The following KANK1 variants were observed in gnomAD, a reference collection of about 807,000 sequenced individuals.
KANK1 encodes the protein KN motif and ankyrin repeat domains 1.
Under a neutral mutation model 106.2 loss-of-function variants are expected in KANK1, and 109 were observed. The observed-to-expected ratio is 1.03, with a 90% CI of 0.88 to 1.20. The LOEUF is 1.20. Among genes scored for constraint, KANK1 ranks in the 50% most tolerant of loss-of-function variants. The probability of loss-of-function intolerance (pLI) is 0.00; values close to 1 mark genes in which losing one functional copy is unlikely to be tolerated. For synonymous variants in KANK1, 873 were observed against 652.2 expected, an observed-to-expected ratio of 1.34 and a Z score of -5.16; for missense variants, 2,399 against 1,710.7, an observed-to-expected ratio of 1.40 and a Z score of -7.10.
chr9:710,798 T>C lies in KANK1; in HGVS notation c.38-6T>C, dbSNP rs753339301. 3.2e-6 allele frequency: 5 copies of C among 1,567,996 alleles called. No homozygotes were observed. Among genetic ancestry groups the C allele is most frequent in the African/African-American group, 1.4e-5 (1 of 72,630 alleles). The stretch of plus-strand genomic sequence containing the variant: ...TCATTATAATATTCTTTTCTCCCTC[T>C]TCTAGGAAAAGCAGGTGATATTCTC... On this transcript the variant is annotated splice_region_variant and splice_polypyrimidine_tract_variant and intron_variant, in intron 2 of 11. Coordinates refer to ENST00000382297, the MANE Select transcript of KANK1 (RefSeq NM_015158.5).
At chr9:645,875 A>G (rs1192758174) in intron 1 of KANK1, among the ~76,000 whole-genome samples, 2 of 151,000 alleles carry the variant, frequency 1.3e-5, no homozygotes, top group African/African-American at 5.0e-5. Context: ...ATAGACACAC[A>G]TTGGTCTATA....
At chr9:529,077 G>A (rs1177689887) in intron 1 of KANK1, among the ~76,000 whole-genome samples, 2 of 152,122 alleles carry the variant, frequency 1.3e-5, no homozygotes, top group Non-Finnish European at 2.9e-5. Context: ...GGGGTTACAG[G>A]TGTGAGCCAC....
intron 3 of KANK1, among the ~76,000 whole-genome samples, chr9:490,957 G>A (rs2058368527): frequency 7.8e-6 from 1 of 127,698 alleles, no homozygotes; most frequent in Non-Finnish European, 1.5e-5. Context: ...GGCTAAAGTG[G>A]CTTTTTTTTT....
At chr9:691,611 A>ATTTT (rs767618077) in intron 2 of KANK1, among the ~76,000 whole-genome samples, 2 of 71,082 alleles carry the variant, frequency 2.8e-5, no homozygotes, top group African/African-American at 4.6e-5. Flanking sequence ...TAATACCAGA[A>ATTTT]TTTTTTTTTT....
chr9:579,547 G>A (rs536044057), intron 1 of KANK1, among the ~76,000 whole-genome samples: 9 of 152,150 alleles, frequency 5.9e-5, no homozygotes, highest in African/African-American at 9.6e-5. Flanking sequence ...TCTGGAGCCC[G>A]CCTGTCAGCT....
chr9:548,373 T>TG (rs887386562), intron 1 of KANK1, among the ~76,000 whole-genome samples: 4 of 152,152 alleles, frequency 2.6e-5, no homozygotes, highest in Non-Finnish European at 5.9e-5. Flanking sequence ...GTGAGATAGT[T>TG]GGGGGGTTCC....
chr9:564,301 C>T (rs184519610), intron 1 of KANK1, among the ~76,000 whole-genome samples: 2 of 151,936 alleles, frequency 1.3e-5, no homozygotes, highest in African/African-American at 4.8e-5. Context: ...GACCTCATGA[C>T]TCCGCCCGCC....
intron 2 of KANK1, among the ~76,000 whole-genome samples, chr9:472,929 G>C (rs2058046103): frequency 6.6e-6 from 1 of 152,196 alleles, no homozygotes; most frequent in Admixed American, 6.5e-5. Context: ...ACCAGTAGAA[G>C]AACCCAGCTC....
intron 1 of KANK1, among the ~76,000 whole-genome samples, chr9:650,244 G>A (rs1286594178): frequency 6.6e-6 from 1 of 152,146 alleles, no homozygotes; most frequent in Non-Finnish European, 1.5e-5. Context: ...ATTGGAGTTT[G>A]GGATTGGCCT....
intron 1 of KANK1, among the ~76,000 whole-genome samples, chr9:583,503 T>C (rs540992544): frequency 4.6e-5 from 7 of 152,168 alleles, no homozygotes; most frequent in Admixed American, 3.9e-4. Flanking sequence ...GGGAAACGAA[T>C]TGTAATACAC....
At chr9:696,239 A>G (rs1012449147) in intron 2 of KANK1, among the ~76,000 whole-genome samples, 26 of 151,340 alleles carry the variant, frequency 1.7e-4, no homozygotes, top group Admixed American at 5.9e-4. Context: ...AGCCGAGATC[A>G]CGCCACTGCA....
rs781256675 is a variant in KANK1 at position 710,910 on chromosome 9, T to C, written c.144T>C (p.Tyr48=). Residue 48 remains tyrosine, a synonymous_variant, in exon 3 of 12, where the codon TAT becomes TAC. Transcript: ENST00000382297. ...GYQLDLDFLK[Y]VDDIQKGNTI... is the part of the protein sequence containing the mutation. Reference sequence around the variant, plus strand: ...AACTAGACTTAGATTTCCTCAAATATGTGGATGACATACAGAAGGGAAATA... The same window carrying C: ...AACTAGACTTAGATTTCCTCAAATACGTGGATGACATACAGAAGGGAAATA... 1.4e-5 allele frequency: 23 copies of C among 1,614,032 alleles called. No individual in the cohort carries two copies. The highest frequency in any genetic ancestry group is 1.0e-4 in the Admixed American group (6 of 60,004).
At chr9:653,936 A>AT (rs1841494754) in intron 1 of KANK1, among the ~76,000 whole-genome samples, 1 of 152,056 alleles carries the variant, frequency 6.6e-6, no homozygotes, top group African/African-American at 2.4e-5. Flanking sequence ...AACTGCTTTC[A>AT]TTTTTTGCAG....
intron 1 of KANK1, among the ~76,000 whole-genome samples, chr9:605,251 A>G (rs1276518060): frequency 6.7e-6 from 1 of 149,514 alleles, no homozygotes; most frequent in Non-Finnish European, 1.5e-5. Context: ...CAGTGAGCCC[A>G]GATTGAACCA....
At chr9:634,313 A>C (rs1473089127) in intron 1 of KANK1, among the ~76,000 whole-genome samples, 1 of 152,016 alleles carries the variant, frequency 6.6e-6, no homozygotes, top group Non-Finnish European at 1.5e-5. Context: ...ATCCTGTGCC[A>C]CCTCACCTGC....
At position 712,329 on chromosome 9, in the gene KANK1, G is replaced by C. The variant is rs748528384; in HGVS notation, c.1563G>C (p.Gln521His). The part of the protein sequence containing the change: ...VFSKVVEAVV[Q>H]TRDQMVGSHM... ...GTAAGGTGGTGGAGGCAGTGGTGCA[G>C]ACCAGAGACCAAATGGTCGGCAGTC... Residue 521 changes from glutamine to histidine, a missense_variant, in exon 3 of 12, where the codon CAG becomes CAC. Coordinates refer to ENST00000382297, the MANE Select transcript of KANK1 (RefSeq NM_015158.5). The C allele has an allele frequency of 1.9e-6, 3 of 1,614,206 alleles. No individual in the cohort carries two copies. The highest frequency in any genetic ancestry group is 2.5e-6 in the Non-Finnish European group (3 of 1,180,046).
chr9:735,035 C>G (rs893894353), intron 7 of KANK1, among the ~76,000 whole-genome samples, 200 bp downstream of exon 7: 1 of 152,184 alleles, frequency 6.6e-6, no homozygotes, highest in South Asian at 2.1e-4. Flanking sequence ...GGCCCAACTT[C>G]GGACATCCTT....
chr9:524,198 T>C (rs1179119059), intron 1 of KANK1, among the ~76,000 whole-genome samples: 2 of 151,850 alleles, frequency 1.3e-5, no homozygotes, highest in Non-Finnish European at 2.9e-5. Flanking sequence ...CATGCTCAGT[T>C]GTGAAAGTGA....
chr9:478,737 A>G (rs1379545971), intron 3 of KANK1, among the ~76,000 whole-genome samples: 1 of 152,186 alleles, frequency 6.6e-6, no homozygotes, highest in East Asian at 1.9e-4. Context: ...TCCATATCCA[A>G]AGAGTCTAAA....
Sources: gnomAD v4.1 joint callset for allele counts (sites outside exome capture counted in the v4.1 genomes callset) on GRCh38, gnomAD v4.1.1 for gene constraint, MANE v1.5 for transcripts, NCBI Gene and HGNC (gene_info 2026-07-23, HGNC 2026-07-21) for gene names.